The following PRDM14 variants were observed in gnomAD, a reference collection of about 807,000 sequenced individuals.
The protein encoded by PRDM14 is PR domain zinc finger protein 14.
PRDM14 carries 16 observed loss-of-function variants against 48.0 expected under a neutral mutation model. That is an observed-to-expected ratio of 0.33 (90% CI 0.23 to 0.51). The LOEUF (loss-of-function observed/expected upper bound fraction) is 0.51, where lower values mean the gene tolerates loss of function less well. Among genes scored for constraint, PRDM14 ranks in the 20% least tolerant of loss-of-function variants. PRDM14 has a pLI of 0.97. For synonymous variants in PRDM14, 264 were observed against 276.6 expected (o/e 0.95, Z 0.45); for missense variants, 566 against 719.6 (o/e 0.79, Z 2.44).
At chr8:70,058,306 C>T (rs1466809737) in intron 6 of PRDM14, among the ~76,000 whole-genome samples, 1 of 152,206 alleles carries the variant, frequency 6.6e-6, no homozygotes, top group African/African-American at 2.4e-5. Flanking sequence ...CCAACTAACC[C>T]TGCCACCAGT....
At chr8:70,068,419 G>A in intron 3 of PRDM14, 32 bp from the exon 4 acceptor site, 2 of 1,614,168 alleles carry the variant, frequency 1.2e-6, no homozygotes, top group Non-Finnish European at 1.7e-6. Flanking sequence ...AAAAGAGAAT[G>A]AGGAGAGTTG....
At chr8:70,055,164 G>A in intron 7 of PRDM14, 136 bp downstream of exon 7, 1 of 511,158 alleles carries the variant, frequency 2.0e-6, no homozygotes, top group Non-Finnish European at 3.5e-6. Context: ...CATATTTAGG[G>A]GTGGAAATGA....
At chr8:70,062,019 T>A (rs1298396450) in intron 5 of PRDM14, among the ~76,000 whole-genome samples, 1 of 152,216 alleles carries the variant, frequency 6.6e-6, no homozygotes, top group East Asian at 1.9e-4. Flanking sequence ...GAGAATGCAA[T>A]GGAATTTTAA....
At chr8:70,055,024 G>T (rs1047952128) in intron 7 of PRDM14, among the ~76,000 whole-genome samples, 1 of 152,148 alleles carries the variant, frequency 6.6e-6, no homozygotes, top group Non-Finnish European at 1.5e-5. Context: ...CACTCAGCTA[G>T]TGCTTTTAAA....
At position 70,055,324 on chromosome 8, in the gene PRDM14, T is replaced by C. The variant is rs1279723363; in HGVS notation, c.1464A>G (p.Pro488=). The C allele has an allele frequency of 3.7e-6, 6 of 1,602,764 alleles. No individual in the cohort carries two copies. Among genetic ancestry groups the C allele is most frequent in the Middle Eastern group, 1.7e-4 (1 of 6,044 alleles). ...KHMRVHSGDR[P]YQCVYCTKRF... is the part of the protein sequence containing the mutation. Reference sequence around the variant, plus strand: ...CCTTAGTACAATACACACACTGGTATGGTCTGTCTCCAGAGTGGACTCGCA... The same window carrying C: ...CCTTAGTACAATACACACACTGGTACGGTCTGTCTCCAGAGTGGACTCGCA... The change falls in exon 7 of 8, where the codon CCA becomes CCG. Residue 488 remains proline, a synonymous_variant. Transcript: ENST00000276594.
At position 70,058,856 on chromosome 8, in the gene PRDM14, C is replaced by A. The variant is rs1395507623; in HGVS notation, c.1184-14G>T. ...CTTCTGCAGACTCTGTCAAACACAG[C>A]AAACACAATGTCTCTTCAGTTACTT... On this transcript the variant is annotated splice_polypyrimidine_tract_variant and intron_variant, in intron 5 of 7. Transcript: ENST00000276594. 1.2e-6 allele frequency: 2 copies of A among 1,603,702 alleles called. No homozygotes were observed. Among genetic ancestry groups the A allele is most frequent in the African/African-American group, 1.3e-5 (1 of 74,740 alleles).
At chr8:70,055,442 C>T in intron 6 of PRDM14, 41 bp from the exon 7 acceptor site, 1 of 1,106,862 alleles carries the variant, frequency 9.0e-7, no homozygotes, top group Non-Finnish European at 1.4e-6. Context: ...TCACACCTTC[C>T]TCTAACAAGT....
chr8:70,070,486 C>T (rs1805748733), intron 1 of PRDM14, among the ~76,000 whole-genome samples: 1 of 151,996 alleles, frequency 6.6e-6, no homozygotes, highest in Admixed American at 6.5e-5. Context: ...TCCAGGGACC[C>T]CGCGACCTGC....
chr8:70,062,493 T>C (rs536049941), intron 5 of PRDM14, among the ~76,000 whole-genome samples: 4 of 152,270 alleles, frequency 2.6e-5, no homozygotes, highest in East Asian at 1.9e-4. Context: ...TTTATACACA[T>C]AGCCTGAAGG....
At chr8:70,061,130 G>T (rs1436415611) in intron 5 of PRDM14, among the ~76,000 whole-genome samples, 3 of 152,196 alleles carry the variant, frequency 2.0e-5, no homozygotes, top group African/African-American at 7.2e-5. Flanking sequence ...AGAGGGTGCA[G>T]CTAGACTCTA....
chr8:70,070,006 C>A, intron 1 of PRDM14, 122 bp from the exon 2 acceptor site: 1 of 595,864 alleles, frequency 1.7e-6, no homozygotes, highest in South Asian at 2.2e-5. Context: ...GGATAAACGC[C>A]CCCAGTCCGA....
intron 6 of PRDM14, among the ~76,000 whole-genome samples, 187 bp from the exon 7 acceptor site, chr8:70,055,588 C>T (rs1197806602): frequency 1.3e-5 from 2 of 151,898 alleles, no homozygotes; most frequent in East Asian, 3.9e-4. Flanking sequence ...TCACTGCAGC[C>T]TGGAACTCCC....
intron 7 of PRDM14, among the ~76,000 whole-genome samples, chr8:70,054,814 T>G (rs1805445737): frequency 6.7e-6 from 1 of 149,582 alleles, no homozygotes; most frequent in Non-Finnish European, 1.5e-5. Flanking sequence ...CCACCACGCC[T>G]CCCCACCCCC....
intron 4 of PRDM14, among the ~76,000 whole-genome samples, chr8:70,067,218 G>A (rs1187696534): frequency 1.3e-5 from 2 of 152,232 alleles, no homozygotes; most frequent in East Asian, 3.9e-4. Context: ...TATTAATGGA[G>A]CTATAGATTA....
chr8:70,052,354 C>A (rs752332222), intron 7 of PRDM14, 50 bp from the exon 8 acceptor site: 1 of 1,445,668 alleles, frequency 6.9e-7, no homozygotes. Flanking sequence ...CTTCCACGAG[C>A]TGGACAACCA....
chr8:70,056,260 T>C (rs1805470621), intron 6 of PRDM14, among the ~76,000 whole-genome samples: 3 of 152,226 alleles, frequency 2.0e-5, no homozygotes, highest in African/African-American at 4.8e-5. Context: ...TCTCAGGAAT[T>C]CTACACCAGG....
intron 5 of PRDM14, among the ~76,000 whole-genome samples, chr8:70,060,147 T>A (rs1805551823): frequency 6.9e-6 from 1 of 145,186 alleles, no homozygotes; most frequent in African/African-American, 2.6e-5. Flanking sequence ...ACGCCTATAA[T>A]CCCAACACTC....
At chr8:70,067,513 G>A (rs1279389028) in intron 4 of PRDM14, among the ~76,000 whole-genome samples, 12 of 138,792 alleles carry the variant, frequency 8.6e-5, no homozygotes, top group African/African-American at 2.8e-4. Flanking sequence ...CAAAAACTCC[G>A]TCTCAAGAAA....
intron 5 of PRDM14, among the ~76,000 whole-genome samples, chr8:70,063,681 C>A (rs1330969640): frequency 6.6e-6 from 1 of 151,908 alleles, no homozygotes; most frequent in South Asian, 2.1e-4. Context: ...CACCACCACA[C>A]CCAGCTAATT....
Sources: gnomAD v4.1 joint callset for allele counts (sites outside exome capture counted in the v4.1 genomes callset) on GRCh38, gnomAD v4.1.1 for gene constraint, MANE v1.5 for transcripts, NCBI Gene and HGNC (gene_info 2026-07-23, HGNC 2026-07-21) for gene names.